The following COL5A3 variants were observed in gnomAD, a reference collection of about 807,000 sequenced individuals.
COL5A3 encodes collagen type V alpha 3 chain.
A neutral mutation model predicts 250.0 loss-of-function variants in COL5A3; 172 were observed. That is an observed-to-expected ratio of 0.69 (90% CI 0.61 to 0.78). The LOEUF (loss-of-function observed/expected upper bound fraction) is 0.78, where lower values mean the gene tolerates loss of function less well. Among genes scored for constraint, COL5A3 ranks in the 30% least tolerant of loss-of-function variants. The pLI, the probability that COL5A3 is intolerant of heterozygous loss-of-function variation, is 0.00. For missense variants in COL5A3, 2,340 were observed against 2,334.4 expected (o/e 1.00, Z -0.05); for synonymous variants, 937 against 900.4 (o/e 1.04, Z -0.73).
chr19:9,974,801 G>A (rs2086897380), intron 45 of COL5A3, among the ~76,000 whole-genome samples: 1 of 151,858 alleles, frequency 6.6e-6, no homozygotes, highest in South Asian at 2.1e-4. Flanking sequence ...CCTATTGTAT[G>A]GTAATAAACA....
chr19:9,972,762 G>A (rs2086871081), intron 51 of COL5A3, among the ~76,000 whole-genome samples, 157 bp downstream of exon 51: 1 of 152,096 alleles, frequency 6.6e-6, no homozygotes, highest in Non-Finnish European at 1.5e-5. Context: ...CTTGAACCCG[G>A]AAGACGGAGG....
At position 10,006,170 on chromosome 19, in the gene COL5A3, C is replaced by A. The variant is rs2087440906; in HGVS notation, c.150G>T (p.Gly50=). The A allele has an allele frequency of 1.2e-6, 2 of 1,609,570 alleles. No individual in the cohort carries two copies. Among genetic ancestry groups the A allele is most frequent in the Non-Finnish European group, 1.7e-6 (2 of 1,178,136 alleles). ...VQGGQAGVPE[G]PGFCPQRTPE... The stretch of plus-strand genomic sequence containing the variant: ...GAGTCCTCTGGGGACAGAAGCCAGG[C>A]CCCTCGGGGACCCCAGCCTGGCCTC... Residue 50 remains glycine (G), a synonymous_variant, in exon 2 of 67, where the codon GGG becomes GGT. Transcript: ENST00000264828.
intron 4 of COL5A3, among the ~76,000 whole-genome samples, chr19:10,004,476 G>A (rs772986041): frequency 2.6e-5 from 4 of 152,212 alleles, no homozygotes; most frequent in Non-Finnish European, 5.9e-5. Context: ...GATTACAGGC[G>A]TGTGCCACCA....
rs936446171 is a variant in COL5A3 at position 9,989,455 on chromosome 19, C to T, written c.2046+14G>A. 3.7e-6 allele frequency: 6 copies of T among 1,613,596 alleles called. No individual in the cohort carries two copies. The highest frequency in any genetic ancestry group is 5.1e-6 in the Non-Finnish European group (6 of 1,179,626). ...CCTTTCTCCTTCCTCCTTTTCCCAG[C>T]TCATGGTTCTCACCAGAGGGCCATC... On this transcript the variant is annotated intron_variant, in intron 25 of 66. Transcript: ENST00000264828.
At position 10,003,536 on chromosome 19, in the gene COL5A3, C is replaced by G. The variant is rs763396906; in HGVS notation, c.849+29G>C. ...AAGACCGGAAGTCAGGTGGTCAAAA[C>G]CGGAAGTGAGAGGTCTCAGGGCCCT... On this transcript the variant is annotated intron_variant, in intron 6 of 66. Transcript: ENST00000264828. The G allele has an allele frequency of 4.3e-6, 7 of 1,611,498 alleles. No homozygotes were observed. In the South Asian group the frequency reaches 7.7e-5, roughly 18 times the overall value.
chr19:10,005,593 G>T lies in COL5A3; in HGVS notation c.559C>A (p.Leu187Met). The change falls in exon 4 of 67, where the codon CTG becomes ATG. Residue 187 changes from leucine (L) to methionine (M), a missense_variant. By Grantham distance (15) the Leu-to-Met change is conservative (BLOSUM62 2). Around this residue, in one of 3 missense-constraint regions of COL5A3, gnomAD observed 1,152 missense variants for 1,146.3 expected, o/e 1.00. Coordinates refer to ENST00000264828, the MANE Select transcript of COL5A3 (RefSeq NM_015719.4). ...RFISIAGLTV[L>M]GTQDLGEKTF... ...TTTTCCCCAAGGTCCTGGGTCCCCAGCACAGTGAGTCCAGCTATGCTGATG... is the reference window on the plus strand; with the variant it reads ...TTTTCCCCAAGGTCCTGGGTCCCCATCACAGTGAGTCCAGCTATGCTGATG... 1 of 1,614,190 alleles carries T rather than the reference G, an allele frequency of 6.2e-7. No homozygotes were observed. Among genetic ancestry groups the T allele is most frequent in the Non-Finnish European group, 8.5e-7 (1 of 1,180,020 alleles).
In COL5A3 at chr19:10,004,028, G is replaced by T. The variant is rs747863540; in HGVS notation, c.699+13C>A. On this transcript the variant is annotated intron_variant, in intron 5 of 66. Transcript: ENST00000264828. Reference sequence around the variant, plus strand: ...GTGTCCTGAGATTAGGAGTCATGGAGTCCCTCACTCACCACTGTGGCTGCC... The same window carrying T: ...GTGTCCTGAGATTAGGAGTCATGGATTCCCTCACTCACCACTGTGGCTGCC... The T allele has an allele frequency of 6.3e-7, 1 of 1,590,848 alleles. No individual in the cohort carries two copies. The highest frequency in any genetic ancestry group is 1.7e-5 in the Admixed American group (1 of 59,978).
chr19:9,967,829 A>T lies in COL5A3; in HGVS notation c.4404+75T>A, dbSNP rs35354203. ...AATAAATAAATAAATGAAGGCAGAG[A>T]CGTGGAGGGTTCTGGTGCAGTGAAG... On this transcript the variant is annotated intron_variant, in intron 61 of 66. Transcript: ENST00000264828. 3 of 1,403,084 alleles carry T rather than the reference A, an allele frequency of 2.1e-6. No individual in the cohort carries two copies. The South Asian group carries it at 3.8e-5, about 18-fold the overall frequency. The allele number at this position is 1,403,084 out of a possible 1,614,324, so 86.9% of individuals were successfully genotyped here.
At chr19:9,999,026 C>CTTTT (rs1481049600) in intron 8 of COL5A3, among the ~76,000 whole-genome samples, 1 of 96,982 alleles carries the variant, frequency 1.0e-5, no homozygotes, top group African/African-American at 5.8e-5. Flanking sequence ...TTCTTTCTTT[C>CTTTT]TCTTTCTTTT....
intron 24 of COL5A3, 145 bp downstream of exon 24, chr19:9,991,465 T>C: frequency 1.5e-6 from 1 of 657,980 alleles, no homozygotes; most frequent in Non-Finnish European, 2.6e-6. Flanking sequence ...ACAAGGACAC[T>C]TTGTATCTCC....
intron 8 of COL5A3, among the ~76,000 whole-genome samples, chr19:9,999,469 C>CTTTTTTT (rs530527039): frequency 4.3e-4 from 52 of 120,386 alleles, no homozygotes; most frequent in African/African-American, 5.5e-4. Context: ...TTTCTTTTTT[C>CTTTTTTT]TTTTTTTTTT....
chr19:9,992,016 G>A lies in COL5A3; in HGVS notation c.1881C>T (p.Ala627=), dbSNP rs1250680092. ...GVTGIDGAPG[A]KGNVGPPGEP... is the part of the protein sequence containing the mutation. ...ACAGGGCACATACCACATTGCCTTT[G>A]GCACCAGGAGCACCATCAATTCCAG... is the stretch of plus-strand genomic sequence containing the variant. Residue 627 remains alanine, a synonymous_variant, in exon 22 of 67, where the codon GCC becomes GCT. Coordinates refer to ENST00000264828, the MANE Select transcript of COL5A3 (RefSeq NM_015719.4). 1 of 1,613,694 alleles carries A rather than the reference G, an allele frequency of 6.2e-7. No individual in the cohort carries two copies.
Position 10,001,834 on chromosome 19 carries a change from A to G in COL5A3, c.897T>C (p.Pro299=). Residue 299 remains proline, a synonymous_variant, in exon 7 of 67, where the codon CCT becomes CCC. Transcript: ENST00000264828. The part of the protein sequence containing the change: ...PKTETPAPNL[P]PTPTPLVVTS... ...TGACGACCAAAGGCGTGGGGGTCGG[A>G]GGCAGATTTGGAGCTGGAGTCTCTG... The G allele has an allele frequency of 6.2e-7, 1 of 1,614,086 alleles. No individual in the cohort carries two copies. The highest frequency in any genetic ancestry group is 8.5e-7 in the Non-Finnish European group (1 of 1,179,996).
In COL5A3 at chr19:9,968,674, C is replaced by T; in HGVS notation, c.4206+1G>A. 6.2e-7 allele frequency: 1 copy of T among 1,606,942 alleles called. No individual in the cohort carries two copies. Among genetic ancestry groups the T allele is most frequent in the Non-Finnish European group, 8.5e-7 (1 of 1,177,276 alleles). ...AGAGAATAATGGAATGATGTCCTTA[C>T]CTTTTCCCCCTTGGGGCCAGTGTCT... On this transcript the variant is annotated splice_donor_variant, in intron 58 of 66. Transcript: ENST00000264828. LOFTEE classifies it high-confidence loss of function. This position sits in a 1 kb window ranked among gnomAD's most constrained non-coding sequence, Gnocchi z 4.1.
At chr19:9,979,337 A>T in intron 38 of COL5A3, 27 bp downstream of exon 38, 1 of 1,613,740 alleles carries the variant, frequency 6.2e-7, no homozygotes, top group Non-Finnish European at 8.5e-7. Context: ...GTACAAAACA[A>T]GGGAGGTTTA....
At chr19:10,005,771 C>T in intron 3 of COL5A3, 25 bp downstream of exon 3, 5 of 1,601,424 alleles carry the variant, frequency 3.1e-6, no homozygotes, top group Non-Finnish European at 4.3e-6. Flanking sequence ...ATCCACGGAC[C>T]CCCGCCCACT....
intron 16 of COL5A3, 92 bp downstream of exon 16, chr19:9,995,472 A>AC: frequency 8.7e-7 from 1 of 1,149,210 alleles, no homozygotes; most frequent in South Asian, 1.7e-5. Context: ...CCCACTAACG[A>AC]CACCAGCAGA....
intron 8 of COL5A3, among the ~76,000 whole-genome samples, chr19:10,000,257 C>T (rs1402117358): frequency 6.6e-6 from 1 of 152,020 alleles, no homozygotes; most frequent in Non-Finnish European, 1.5e-5. Flanking sequence ...ATCAAGCCAC[C>T]GAGCTTGGGT....
intron 40 of COL5A3, 22 bp downstream of exon 40, chr19:9,978,869 G>A (rs780519118): frequency 2.3e-5 from 32 of 1,414,860 alleles, no homozygotes; most frequent in East Asian, 2.5e-5. Context: ...GGACATGCAG[G>A]AGGGTCTCCA....
Sources: gnomAD v4.1 joint callset for allele counts (sites outside exome capture counted in the v4.1 genomes callset) on GRCh38, gnomAD v4.1.1 for gene constraint, gnomAD v4.1.1 regional missense constraint, Gnocchi (gnomAD v3.1) non-coding constraint, MANE v1.5 for transcripts, NCBI Gene and HGNC (gene_info 2026-07-23, HGNC 2026-07-21) for gene names.